ARHGAP27: variants seen among roughly 807,000 people sequenced by gnomAD.
The protein encoded by ARHGAP27 is Rho GTPase activating protein 27.
Under a neutral mutation model 102.0 loss-of-function variants are expected in ARHGAP27, and 53 were observed. The observed-to-expected ratio is 0.52, with a 90% CI of 0.42 to 0.65. The LOEUF (loss-of-function observed/expected upper bound fraction) is 0.65, where lower values mean the gene tolerates loss of function less well. ARHGAP27 is among the 30% of genes least tolerant of loss of function. The pLI is 0.00. For synonymous variants in ARHGAP27, 525 were observed against 542.8 expected (o/e 0.97, Z 0.46); for missense variants, 1,117 against 1,256.2 (o/e 0.89, Z 1.68).
chr17:45,396,064 C>T lies in ARHGAP27; in HGVS notation c.2305G>A (p.Gly769Arg), dbSNP rs1236905546. ...GRWEDVHVITGALKLFFRELP... is the reference protein window; with the variant it reads ...GRWEDVHVITRALKLFFRELP... Reference sequence around the variant, plus strand: ...TCCCGAAAGAAGAGCTTCAGGGCTCCGGTGATAACGTGGACGTCCTCCCAG... The same window carrying T: ...TCCCGAAAGAAGAGCTTCAGGGCTCTGGTGATAACGTGGACGTCCTCCCAG... The change falls in exon 18 of 20, where the codon GGA becomes AGA. Residue 769 changes from glycine to arginine, a missense_variant. By Grantham distance (125) the Gly-to-Arg change is moderately radical. This residue lies in a region of ARHGAP27 where 493 missense variants were observed against 505.5 expected (regional missense o/e 0.98). Coordinates refer to ENST00000685559, the MANE Select transcript of ARHGAP27 (RefSeq NM_001282290.2). 1 of 1,613,948 alleles carries T rather than the reference C, an allele frequency of 6.2e-7. No homozygotes were observed. The highest frequency in any genetic ancestry group is 1.7e-5 in the Admixed American group (1 of 59,984).
In ARHGAP27 at chr17:45,404,077, G is replaced by A. The variant is rs1255349795; in HGVS notation, c.1499C>T (p.Ala500Val). 2 of 1,614,154 alleles carry A rather than the reference G, an allele frequency of 1.2e-6. No individual in the cohort carries two copies. The highest frequency in any genetic ancestry group is 8.5e-7 in the Non-Finnish European group (1 of 1,180,028). The change falls in exon 10 of 20, where the codon GCA becomes GTA. Residue 500 changes from alanine to valine, a missense_variant. This residue lies in a region of ARHGAP27 where 610 missense variants were observed against 716.4 expected (regional missense o/e 0.85). Coordinates refer to ENST00000685559, the MANE Select transcript of ARHGAP27 (RefSeq NM_001282290.2). ...CGTCTTGGTGCGATGGAGCACCCCT[G>A]CCTTGTCCAAGGTCTTGGTCTAAGA... is the stretch of plus-strand genomic sequence containing the variant. ...AAVRTKTLDK[A>V]GVLHRTKTAD...
intron 4 of ARHGAP27, among the ~76,000 whole-genome samples, chr17:45,411,042 C>G (rs544076000): frequency 3.3e-5 from 5 of 152,266 alleles, no homozygotes; most frequent in Admixed American, 2.6e-4. Flanking sequence ...TGTGCCCACT[C>G]TCACTTGCGT....
chr17:45,400,201 C>G (rs1443781658), intron 12 of ARHGAP27, among the ~76,000 whole-genome samples: 1 of 152,168 alleles, frequency 6.6e-6, no homozygotes, highest in Non-Finnish European at 1.5e-5. Context: ...ATCCTGCTGA[C>G]CGCACAGGCA....
Position 45,404,686 on chromosome 17 carries a change from G to T in ARHGAP27, c.1249-5C>A. On this transcript the variant is annotated splice_region_variant and splice_polypyrimidine_tract_variant and intron_variant, in intron 6 of 19. Coordinates refer to ENST00000685559, the MANE Select transcript of ARHGAP27 (RefSeq NM_001282290.2). ...GGGGTCCTCCAGCCTCACCCACTGT[G>T]GGGAGAGGAATGGTCAGGGCCTCCA... is the stretch of plus-strand genomic sequence containing the variant. The T allele has an allele frequency of 6.2e-7, 1 of 1,608,660 alleles. No homozygotes were observed. The highest frequency in any genetic ancestry group is 8.5e-7 in the Non-Finnish European group (1 of 1,178,408).
chr17:45,397,117 G>C (rs766920347), intron 13 of ARHGAP27, 93 bp from the exon 14 acceptor site: 100 of 1,544,870 alleles, frequency 6.5e-5, no homozygotes, highest in Non-Finnish European at 8.2e-5. Context: ...CTCCCAACAG[G>C]CATGGCCTGG....
chr17:45,429,917 G>A lies in ARHGAP27; in HGVS notation c.363C>T (p.Cys121=), dbSNP rs1173856184. The A allele has an allele frequency of 8.8e-7, 1 of 1,142,456 alleles. No individual in the cohort carries two copies. 70.8% of individuals were successfully genotyped at this position (1,142,456 alleles called of 1,614,324 possible). The part of the protein sequence containing the change: ...EESGGRASSL[C]GPAQRGAATQ... ...TCGCGGCGCCGCGTTGCGCAGGGCC[G>A]CACAGGGAGCTGGCTCGGCCTCCGG... The change falls in exon 4 of 20, where the codon TGC becomes TGT. Residue 121 remains cysteine, a synonymous_variant. Coordinates refer to ENST00000685559, the MANE Select transcript of ARHGAP27 (RefSeq NM_001282290.2).
Position 45,404,678 on chromosome 17 carries a change from C to T in ARHGAP27, c.1252G>A (p.Val418Met). The change falls in exon 7 of 20, where the codon GTG becomes ATG. Residue 418 changes from valine to methionine, a missense_variant. Physicochemically the swap from Val to Met is conservative, Grantham distance 21. Coordinates refer to ENST00000685559, the MANE Select transcript of ARHGAP27 (RefSeq NM_001282290.2). ...TTCCCGTGGGGGTCCTCCAGCCTCA[C>T]CCACTGTGGGGAGAGGAATGGTCAG... is the stretch of plus-strand genomic sequence containing the variant. ...YTNHFTQEQW[V>M]RLEDPHGKPY... 1.9e-6 allele frequency: 3 copies of T among 1,611,100 alleles called. No homozygotes were observed. The highest frequency in any genetic ancestry group is 2.2e-5 in the South Asian group (2 of 90,900).
At position 45,406,081 on chromosome 17, in the gene ARHGAP27, C is replaced by T. The variant is rs1186818865; in HGVS notation, c.660G>A (p.Val220=). ...VPPPEESAEQ[V]DDPPEPVYAN... ...CGTACACGGGCTCCGGTGGGTCGTC[C>T]ACCTGCGGGAGGAGAAAGGAGGAAT... is the stretch of plus-strand genomic sequence containing the variant. Residue 220 remains valine, a splice_region_variant and synonymous_variant, in exon 5 of 20, where the codon GTG becomes GTA. Transcript: ENST00000685559. The T allele has an allele frequency of 5.9e-6, 9 of 1,515,404 alleles. No individual in the cohort carries two copies. The highest frequency in any genetic ancestry group is 4.8e-5 in the South Asian group (4 of 82,758). The allele number at this position is 1,515,404 out of a possible 1,614,324, so 93.9% of individuals were successfully genotyped here.
intron 4 of ARHGAP27, chr17:45,429,278 C>CTAAA: frequency 1.4e-6 from 1 of 698,986 alleles, no homozygotes; most frequent in Non-Finnish European, 2.1e-6. Flanking sequence ...GACCATCGAG[C>CTAAA]TCATTTGCAT....
chr17:45,397,045 A>C (rs1191684676), intron 13 of ARHGAP27, 21 bp from the exon 14 acceptor site: 2 of 1,600,412 alleles, frequency 1.2e-6, no homozygotes, highest in Non-Finnish European at 1.7e-6. Context: ...ATAGCCTCAG[A>C]GAGGCGGGGC....
rs1230258322 is a variant in ARHGAP27, at chr17:45,403,992, C to A, written c.1547+37G>T. ...GCTCAGTGAACATCGTCACCAAGGC[C>A]CACCCTGCCCCGGCCTGAGTGTAGA... On this transcript the variant is annotated intron_variant, in intron 10 of 19. Transcript: ENST00000685559. 5 of 1,610,636 alleles carry A rather than the reference C, an allele frequency of 3.1e-6. No individual in the cohort carries two copies. The South Asian group carries it at 5.5e-5, about 18-fold the overall frequency.
In ARHGAP27 at chr17:45,414,765, A is replaced by G. The variant is rs1437356919; in HGVS notation, c.658-8682T>C. On this transcript the variant is annotated intron_variant, in intron 4 of 19. Coordinates refer to ENST00000685559, the MANE Select transcript of ARHGAP27 (RefSeq NM_001282290.2). ...CACCCAATTGGTCTCTCCATCTTAAAAAGAAAATGTTGACTGGGCACAGTG... is the reference window on the plus strand; with the variant it reads ...CACCCAATTGGTCTCTCCATCTTAAGAAGAAAATGTTGACTGGGCACAGTG... Among the ~76,000 whole-genome samples the G allele has an allele frequency of 4.0e-5, 6 of 149,444 alleles. 1 individual carries two copies. In the South Asian group the frequency reaches 1.3e-3, roughly 32 times the overall value.
intron 12 of ARHGAP27, among the ~76,000 whole-genome samples, chr17:45,399,021 GA>G (rs1456168961): frequency 6.6e-6 from 1 of 152,124 alleles, no homozygotes; most frequent in Non-Finnish European, 1.5e-5. Context: ...ACACCAGAGG[GA>G]AACTTGCCAC....
intron 4 of ARHGAP27, among the ~76,000 whole-genome samples, chr17:45,413,269 C>T (rs1332832513): frequency 6.6e-6 from 1 of 151,844 alleles, no homozygotes; most frequent in Non-Finnish European, 1.5e-5. Flanking sequence ...ATGAGCAGCC[C>T]GGCTGACTCA....
intron 4 of ARHGAP27, among the ~76,000 whole-genome samples, chr17:45,424,311 GC>G (rs2049332531): frequency 6.6e-6 from 1 of 152,216 alleles, no homozygotes; most frequent in Admixed American, 6.5e-5. Flanking sequence ...CTGTGCCTGT[GC>G]CCCAGAGCCC....
At chr17:45,410,134 T>C in intron 4 of ARHGAP27, 1 of 1,383,936 alleles carries the variant, frequency 7.2e-7, no homozygotes, top group Non-Finnish European at 9.6e-7. Context: ...AGCCCCAACT[T>C]CCAAGAGGCT....
At chr17:45,416,228 T>C (rs2048438162) in intron 4 of ARHGAP27, among the ~76,000 whole-genome samples, 1 of 151,584 alleles carries the variant, frequency 6.6e-6, no homozygotes, top group Non-Finnish European at 1.5e-5. Context: ...TTGTATTTTT[T>C]TTTTTTTAGT....
chr17:45,401,631 G>A (rs984733209), intron 12 of ARHGAP27: 2 of 152,152 alleles, frequency 1.3e-5, no homozygotes, highest in Non-Finnish European at 2.9e-5. Flanking sequence ...GTTTTGCAGG[G>A]TACCTGGCAT....
intron 4 of ARHGAP27, chr17:45,410,416 G>A: frequency 7.3e-7 from 1 of 1,361,380 alleles, no homozygotes; most frequent in Non-Finnish European, 9.4e-7. Context: ...GGGAGGCTGA[G>A]ACTCCAGCCC....
Sources: gnomAD v4.1 joint callset for allele counts (sites outside exome capture counted in the v4.1 genomes callset) on GRCh38, gnomAD v4.1.1 for gene constraint, gnomAD v4.1.1 regional missense constraint, MANE v1.5 for transcripts, NCBI Gene and HGNC (gene_info 2026-07-23, HGNC 2026-07-21) for gene names.